RBFOX1: variants seen among roughly 807,000 people sequenced by gnomAD.
The protein encoded by RBFOX1 is RNA binding protein fox-1 homolog 1.
RBFOX1 carries 8 observed loss-of-function variants against 57.7 expected under a neutral mutation model. That is an observed-to-expected ratio of 0.14 (90% CI 0.08 to 0.25). The LOEUF (loss-of-function observed/expected upper bound fraction) is 0.25, where lower values mean the gene tolerates loss of function less well. Ranked by LOEUF, RBFOX1 falls within the 10% of genes least tolerant of loss-of-function variation. RBFOX1 has a pLI of 1.00. For synonymous variants in RBFOX1, 326 were observed against 222.4 expected (o/e 1.47, Z -4.15); for missense variants, 611 against 548.5 (o/e 1.11, Z -1.14).
At chr16:7,433,499 G>C (rs1304118690) in intron 4 of RBFOX1, among the ~76,000 whole-genome samples, 1 of 152,222 alleles carries the variant, frequency 6.6e-6, no homozygotes, top group East Asian at 1.9e-4. Context: ...TGCTGTGTTG[G>C]AGTACAGACA....
At chr16:7,231,821 A>G (rs2093511178) in intron 4 of RBFOX1, among the ~76,000 whole-genome samples, 1 of 152,218 alleles carries the variant, frequency 6.6e-6, no homozygotes. Flanking sequence ...AGATTATGTG[A>G]TTTCCTTCAC....
In RBFOX1 at chr16:7,161,553, G is replaced by C. The variant is rs140196425; in HGVS notation, c.27+109455G>C. Among the ~76,000 whole-genome samples, 242 of 152,268 alleles carry C rather than the reference G, an allele frequency of 1.6e-3. 1 individual carries two copies. Among genetic ancestry groups the C allele is most frequent in the African/African-American group, 5.6e-3 (231 of 41,570 alleles). On this transcript the variant is annotated intron_variant, in intron 4 of 15. Coordinates refer to ENST00000550418, the MANE Select transcript of RBFOX1 (RefSeq NM_018723.4). ...GATTCAGAAAGAGAGGTACATGTCA[G>C]TGAAGTCCTTTGCTAAGGCTGTGTA...
At chr16:7,478,927 CCAT>C (rs2063298713) in intron 4 of RBFOX1, among the ~76,000 whole-genome samples, 1 of 151,932 alleles carries the variant, frequency 6.6e-6, no homozygotes, top group African/African-American at 2.4e-5. Flanking sequence ...GGGGAGAGTA[CCAT>C]CATTTCGTTT....
At chr16:7,059,593 GC>G (rs2053605934) in intron 4 of RBFOX1, among the ~76,000 whole-genome samples, 1 of 152,148 alleles carries the variant, frequency 6.6e-6, no homozygotes, top group African/African-American at 2.4e-5. Flanking sequence ...AACAAGAGAT[GC>G]TGTGTAAAAG....
chr16:5,955,305 A>G (rs188516638), intron 4 of RBFOX1, among the ~76,000 whole-genome samples: 1 of 24,310 alleles, frequency 4.1e-5, no homozygotes, highest in Non-Finnish European at 6.7e-5. Context: ...ATAAAATAAA[A>G]TAAAATAAAA....
chr16:6,876,060 C>G (rs1203670276), intron 3 of RBFOX1, among the ~76,000 whole-genome samples: 1 of 151,818 alleles, frequency 6.6e-6, no homozygotes, highest in African/African-American at 2.4e-5. Flanking sequence ...ATAGTCCTAG[C>G]ATCTCGGGGG....
chr16:7,471,044 A>G (rs1236318725), intron 4 of RBFOX1, among the ~76,000 whole-genome samples: 2 of 152,338 alleles, frequency 1.3e-5, no homozygotes, highest in East Asian at 3.9e-4. Flanking sequence ...CAGACAGATA[A>G]TAATAGGAGA....
At chr16:5,634,663 G>C (rs193144554) in intron 3 of RBFOX1, among the ~76,000 whole-genome samples, 144 of 152,250 alleles carry the variant, frequency 9.5e-4, no homozygotes, top group African/African-American at 3.4e-3. Context: ...TAGATCACTC[G>C]GAGTCAAAGA....
chr16:5,838,924 G>C (rs139991750), intron 3 of RBFOX1, among the ~76,000 whole-genome samples: 1 of 152,288 alleles, frequency 6.6e-6, no homozygotes, highest in East Asian at 1.9e-4. Context: ...GACTTTGAGA[G>C]GTGTGCTTCT....
chr16:7,156,120 C>G (rs1440620506), intron 4 of RBFOX1, among the ~76,000 whole-genome samples: 1 of 152,028 alleles, frequency 6.6e-6, no homozygotes, highest in African/African-American at 2.4e-5. Context: ...AATCTGCCCA[C>G]TTTGGCCTTC....
At chr16:6,082,364 T>TTTTTTC (rs2096015996) in intron 1 of RBFOX1, among the ~76,000 whole-genome samples, 1 of 137,760 alleles carries the variant, frequency 7.3e-6, no homozygotes, top group East Asian at 2.1e-4. Context: ...TTTTTTTTTT[T>TTTTTTC]TTTTTTTTTT....
chr16:6,208,294 G>A (rs1262961691), intron 1 of RBFOX1, among the ~76,000 whole-genome samples: 1 of 152,048 alleles, frequency 6.6e-6, no homozygotes, highest in Non-Finnish European at 1.5e-5. Flanking sequence ...CTTTATACAT[G>A]TGTGCTTTGT....
chr16:6,501,685 G>A lies in RBFOX1; in HGVS notation c.-63-152918G>A, dbSNP rs529993259. On this transcript the variant is annotated intron_variant, in intron 2 of 15. Coordinates refer to ENST00000550418, the MANE Select transcript of RBFOX1 (RefSeq NM_018723.4). Reference sequence around the variant, plus strand: ...AAGGGCTCCTTCTCCTGACGTTTCTGATCTCATTCTAAAACATTCACCCAG... The same window carrying A: ...AAGGGCTCCTTCTCCTGACGTTTCTAATCTCATTCTAAAACATTCACCCAG... 5.9e-5 allele frequency among the ~76,000 whole-genome samples: 9 copies of A among 152,202 alleles called. No individual in the cohort carries two copies. In the South Asian group the frequency reaches 1.9e-3, roughly 32 times the overall value.
chr16:7,539,612 G>T (rs2082377706), intron 5 of RBFOX1, among the ~76,000 whole-genome samples: 1 of 152,184 alleles, frequency 6.6e-6, no homozygotes, highest in African/African-American at 2.4e-5. Flanking sequence ...CTACATAGAG[G>T]TGATGCCACC....
chr16:7,104,283 C>T (rs7193661), intron 4 of RBFOX1, among the ~76,000 whole-genome samples: 9 of 152,008 alleles, frequency 5.9e-5, no homozygotes, highest in South Asian at 2.1e-4. Flanking sequence ...CACCCATTCA[C>T]TGGAATTGAG....
At chr16:5,959,386 A>G (rs995242252) in intron 4 of RBFOX1, among the ~76,000 whole-genome samples, 2 of 152,164 alleles carry the variant, frequency 1.3e-5, no homozygotes, top group African/African-American at 4.8e-5. Flanking sequence ...AACTGTTATT[A>G]AAATTTTAAA....
intron 3 of RBFOX1, among the ~76,000 whole-genome samples, chr16:6,709,155 C>G (rs2154149819): frequency 6.6e-6 from 1 of 152,068 alleles, no homozygotes; most frequent in South Asian, 2.1e-4. Flanking sequence ...TTATTGAAAG[C>G]TGGTAAATTG....
chr16:6,757,480 C>T (rs2075983246), intron 3 of RBFOX1, among the ~76,000 whole-genome samples: 1 of 152,162 alleles, frequency 6.6e-6, no homozygotes, highest in African/African-American at 2.4e-5. Flanking sequence ...GGATGAAATG[C>T]TGTTTGTTAC....
At chr16:5,455,866 T>C (rs902666986) in intron 1 of RBFOX1, among the ~76,000 whole-genome samples, 10 of 152,148 alleles carry the variant, frequency 6.6e-5, no homozygotes, top group African/African-American at 1.9e-4. Context: ...TGTTGGAACA[T>C]TAAAATTAGC....
Sources: gnomAD v4.1 joint callset for allele counts (sites outside exome capture counted in the v4.1 genomes callset) on GRCh38, gnomAD v4.1.1 for gene constraint, MANE v1.5 for transcripts, NCBI Gene and HGNC (gene_info 2026-07-23, HGNC 2026-07-21) for gene names.